The following TP63 variants were observed in gnomAD, a reference collection of about 807,000 sequenced individuals.
The protein encoded by TP63 is tumor protein p63.
Under a neutral mutation model 82.8 loss-of-function variants are expected in TP63, and 17 were observed. The observed-to-expected ratio is 0.21, with a 90% CI of 0.14 to 0.31. TP63 has a LOEUF of 0.31. Ranked by LOEUF, TP63 falls within the 10% of genes least tolerant of loss-of-function variation. The pLI, the probability that TP63 is intolerant of heterozygous loss-of-function variation, is 1.00. For synonymous variants in TP63, 330 were observed against 321.7 expected (o/e 1.03, Z -0.28); for missense variants, 648 against 895.3 (o/e 0.72, Z 3.52).
chr3:189,703,500 C>G (rs999281356), intron 1 of TP63, among the ~76,000 whole-genome samples: 15 of 147,388 alleles, frequency 1.0e-4, no homozygotes, highest in Non-Finnish European at 1.8e-4. Context: ...GGACCCAATC[C>G]GTAGGTCTTC....
intron 3 of TP63, among the ~76,000 whole-genome samples, chr3:189,795,377 T>G (rs1725585626): frequency 6.6e-6 from 1 of 152,030 alleles, no homozygotes; most frequent in Non-Finnish European, 1.5e-5. Flanking sequence ...GAGGGAGTTA[T>G]GAGGGGTTCG....
chr3:189,647,723 A>G (rs1211259442), intron 1 of TP63, among the ~76,000 whole-genome samples: 2 of 146,564 alleles, frequency 1.4e-5, no homozygotes, highest in Non-Finnish European at 3.0e-5. Context: ...ATCAAAGAAC[A>G]TTGTCTTAAA....
chr3:189,598,542 A>C, the TP63 span, among the ~76,000 whole-genome samples: 1 of 152,270 alleles, frequency 6.6e-6, no homozygotes, highest in South Asian at 2.1e-4. Flanking sequence ...AAAAATATTT[A>C]ATCACCAAAA....
intron 1 of TP63, among the ~76,000 whole-genome samples, chr3:189,706,291 C>T (rs1718190293): frequency 6.6e-6 from 1 of 152,218 alleles, no homozygotes; most frequent in East Asian, 1.9e-4. Context: ...GAGTCTTCCT[C>T]TGTCACCCAG....
At chr3:189,682,536 GAAAAAAAA>G (rs375284237) in intron 1 of TP63, among the ~76,000 whole-genome samples, 392 of 18,980 alleles carry the variant, frequency 0.021, no homozygotes, top group South Asian at 0.057. Context: ...GTCCTAAGGG[GAAAAAAAA>G]AAAAAAAAAA....
intron 3 of TP63, among the ~76,000 whole-genome samples, chr3:189,765,216 T>A (rs1722845714): frequency 7.0e-6 from 1 of 142,256 alleles, no homozygotes; most frequent in African/African-American, 2.6e-5. Flanking sequence ...ATTTTATGGT[T>A]TGATAGAAAA....
intron 3 of TP63, chr3:189,789,711 T>G: frequency 6.8e-7 from 1 of 1,460,028 alleles, no homozygotes; most frequent in Admixed American, 2.9e-5. Context: ...CTTAAGTAGA[T>G]TCATATTGTA....
At position 189,739,757 on chromosome 3, in the gene TP63, G is replaced by C. The variant is rs1190984369; in HGVS notation, c.324+983G>C. ...TGAGATGTTTAGATTTCCTGTGTTT[G>C]TGCAGTTTCATAATGCTGGTGGGTT... On this transcript the variant is annotated intron_variant, in intron 3 of 13. Coordinates refer to ENST00000264731, the MANE Select transcript of TP63 (RefSeq NM_003722.5). Among the ~76,000 whole-genome samples, 5 of 148,638 alleles carry C rather than the reference G, an allele frequency of 3.4e-5. No individual in the cohort carries two copies. In the East Asian group the frequency reaches 9.8e-4, roughly 29 times the overall value.
At chr3:189,738,811 A>C (rs1367642914) in intron 3 of TP63, 37 bp downstream of exon 3, 5 of 1,611,772 alleles carry the variant, frequency 3.1e-6, no homozygotes, top group Non-Finnish European at 3.4e-6. Flanking sequence ...TCTTTGGGCC[A>C]TGCTATCTAT....
chr3:189,761,704 G>A (rs531743479), intron 3 of TP63, among the ~76,000 whole-genome samples: 2 of 152,110 alleles, frequency 1.3e-5, no homozygotes, highest in South Asian at 2.1e-4. Flanking sequence ...CACACTTCTG[G>A]TACTAATTTA....
intron 1 of TP63, among the ~76,000 whole-genome samples, chr3:189,643,467 A>G (rs959991835): frequency 4.0e-5 from 6 of 150,482 alleles, no homozygotes; most frequent in Admixed American, 1.3e-4. Context: ...AAAAAAAAAA[A>G]CCCTCAATGC....
intron 1 of TP63, among the ~76,000 whole-genome samples, chr3:189,632,758 G>A (rs995921138): frequency 8.6e-5 from 13 of 152,026 alleles, no homozygotes; most frequent in Non-Finnish European, 1.8e-4. Flanking sequence ...ACAAATAAAT[G>A]GCTCTAGGAT....
chr3:189,659,650 G>A (rs556061705), intron 1 of TP63, among the ~76,000 whole-genome samples: 25 of 152,138 alleles, frequency 1.6e-4, no homozygotes, highest in African/African-American at 6.0e-4. Context: ...GCTTTGCACA[G>A]TGGCTGAACT....
At chr3:189,820,766 G>A (rs1431021046) in intron 4 of TP63, among the ~76,000 whole-genome samples, 3 of 152,188 alleles carry the variant, frequency 2.0e-5, no homozygotes, top group Admixed American at 6.5e-5. Context: ...AATTCAAATA[G>A]CATGTTAAAA....
chr3:189,794,695 C>A (rs564074483), intron 3 of TP63, among the ~76,000 whole-genome samples: 1 of 152,026 alleles, frequency 6.6e-6, no homozygotes, highest in South Asian at 2.1e-4. Context: ...ATCATAGTGA[C>A]AATGAAAAGC....
intron 4 of TP63, among the ~76,000 whole-genome samples, chr3:189,833,377 A>T (rs759909571): frequency 4.6e-5 from 7 of 152,228 alleles, no homozygotes; most frequent in Non-Finnish European, 1.0e-4. Context: ...TTTCCAATTT[A>T]TGAGCATGTT....
At chr3:189,771,274 AAT>A (rs1172569136) in intron 3 of TP63, among the ~76,000 whole-genome samples, 1 of 122,370 alleles carries the variant, frequency 8.2e-6, no homozygotes, top group Admixed American at 8.1e-5. Context: ...AGCTAAGACA[AAT>A]ATATATATAA....
At chr3:189,758,937 G>C (rs1722376076) in intron 3 of TP63, among the ~76,000 whole-genome samples, 1 of 152,228 alleles carries the variant, frequency 6.6e-6, no homozygotes, top group African/African-American at 2.4e-5. Flanking sequence ...TCAGGTTTCA[G>C]AGAACTCACA....
the TP63 span, among the ~76,000 whole-genome samples, chr3:189,602,816 ACT>A: frequency 2.6e-5 from 4 of 151,900 alleles, no homozygotes; most frequent in African/African-American, 7.2e-5. Flanking sequence ...AATAATGAAC[ACT>A]CTATTTTAAA....
Sources: allele counts gnomAD v4.1 joint callset (sites outside exome capture counted in the v4.1 genomes callset), GRCh38; gene constraint gnomAD v4.1.1; transcripts MANE v1.5; gene names NCBI Gene and HGNC (gene_info 2026-07-23, HGNC 2026-07-21).